The following ZBTB8OS variants were observed in gnomAD, a reference collection of about 807,000 sequenced individuals.
The protein encoded by ZBTB8OS is tRNA-splicing ligase-activating factor archease.
Under a neutral mutation model 29.3 loss-of-function variants are expected in ZBTB8OS, and 16 were observed. The observed-to-expected ratio is 0.55, with a 90% CI of 0.37 to 0.83. The LOEUF (loss-of-function observed/expected upper bound fraction) is 0.83. Among genes scored for constraint, ZBTB8OS ranks in the 40% least tolerant of loss-of-function variants. The pLI is 0.00. For synonymous variants in ZBTB8OS, 70 were observed against 64.6 expected, an observed-to-expected ratio of 1.08 and a Z score of -0.40; for missense variants, 160 against 196.9, an observed-to-expected ratio of 0.81 and a Z score of 1.12.
intron 1 of ZBTB8OS, among the ~76,000 whole-genome samples, chr1:32,649,663 C>T (rs1647151418): frequency 7.1e-6 from 1 of 141,010 alleles, no homozygotes; most frequent in Admixed American, 6.8e-5. Context: ...CACACACACA[C>T]ACACATTTTT....
chr1:32,628,331 T>A (rs1645275206), intron 5 of ZBTB8OS, among the ~76,000 whole-genome samples: 1 of 141,576 alleles, frequency 7.1e-6, no homozygotes, highest in South Asian at 2.2e-4. Context: ...CACTCCACCC[T>A]AGGCAACAGA....
Position 32,621,734 on chromosome 1 carries a change from A to G in ZBTB8OS, c.*128T>C, listed in dbSNP as rs1644767288. ...CCTTTCTGAAAGTCACACTTTAACT[A>G]AAATATTTCTGTTCTACAAATTTCC... On this transcript the variant is annotated 3_prime_UTR_variant, in exon 7 of 7. Coordinates refer to ENST00000468695, the MANE Select transcript of ZBTB8OS (RefSeq NM_178547.5). 1.4e-6 allele frequency: 1 copy of G among 706,758 alleles called. No homozygotes were observed. The highest frequency in any genetic ancestry group is 2.4e-6 in the Non-Finnish European group (1 of 424,766). The allele number at this position is 706,758 out of a possible 1,614,324, so 43.8% of individuals were successfully genotyped here.
chr1:32,628,681 C>T (rs942180449), intron 5 of ZBTB8OS, among the ~76,000 whole-genome samples: 12 of 139,960 alleles, frequency 8.6e-5, no homozygotes, highest in Non-Finnish European at 1.1e-4. Context: ...ACAGTGGCTC[C>T]CACCTGTAAT....
chr1:32,621,167 A>G lies in ZBTB8OS; in HGVS notation c.*695T>C, dbSNP rs528387755. ...TGTAATCGCAGTACCTTGGGAGGCC[A>G]AGGTGGGCGGATCACAAGGTCAGGA... On this transcript the variant is annotated 3_prime_UTR_variant, in exon 7 of 7. Coordinates refer to ENST00000468695, the MANE Select transcript of ZBTB8OS (RefSeq NM_178547.5). 12 of 152,272 alleles carry G rather than the reference A, an allele frequency of 7.9e-5. No individual in the cohort carries two copies. Among genetic ancestry groups the G allele is most frequent in the Admixed American group, 2.6e-4 (4 of 15,292 alleles). 9.4% of individuals were successfully genotyped at this position (152,272 alleles called of 1,614,324 possible).
At chr1:32,648,364 A>G (rs767031870) in intron 1 of ZBTB8OS, among the ~76,000 whole-genome samples, 43 of 152,224 alleles carry the variant, frequency 2.8e-4, no homozygotes, top group Non-Finnish European at 5.9e-4. Flanking sequence ...AACAAAAAAA[A>G]CTTGGAGAAC....
intron 6 of ZBTB8OS, 95 bp downstream of exon 6, chr1:32,627,413 C>T (rs1235530991): frequency 5.4e-6 from 6 of 1,102,552 alleles, no homozygotes; most frequent in African/African-American, 3.1e-5. Flanking sequence ...TATCACTTTA[C>T]ACCAGTTAGA....
Position 32,621,378 on chromosome 1 carries a change from T to G in ZBTB8OS, c.*484A>C, listed in dbSNP as rs530453477. Reference sequence around the variant, plus strand: ...CACACCACTGCGCTTCAGCCTGGGCTACAGAGCGAGACTCCGTCTCAAAAA... The same window carrying G: ...CACACCACTGCGCTTCAGCCTGGGCGACAGAGCGAGACTCCGTCTCAAAAA... On this transcript the variant is annotated 3_prime_UTR_variant, in exon 7 of 7. Coordinates refer to ENST00000468695, the MANE Select transcript of ZBTB8OS (RefSeq NM_178547.5). 2 of 132,650 alleles carry G rather than the reference T, an allele frequency of 1.5e-5. No homozygotes were observed. Among genetic ancestry groups the G allele is most frequent in the African/African-American group, 2.9e-5 (1 of 34,144 alleles). The allele number at this position is 132,650 out of a possible 1,614,324, so 8.2% of individuals were successfully genotyped here. A position where few individuals can be genotyped will look rare whatever the true frequency, so the allele number is the denominator to read the frequency against.
At chr1:32,643,250 TTAGTA>T (rs1646571873) in intron 1 of ZBTB8OS, among the ~76,000 whole-genome samples, 1 of 151,226 alleles carries the variant, frequency 6.6e-6, no homozygotes, top group South Asian at 2.1e-4. Context: ...TTTTGTATTT[TTAGTA>T]GAGACGGGGG....
intron 6 of ZBTB8OS, among the ~76,000 whole-genome samples, chr1:32,623,683 T>C (rs1644900459): frequency 6.6e-6 from 1 of 152,182 alleles, no homozygotes; most frequent in Non-Finnish European, 1.5e-5. Flanking sequence ...TGTCTCCTAC[T>C]ATTACACCTT....
intron 5 of ZBTB8OS, among the ~76,000 whole-genome samples, chr1:32,629,858 T>C (rs1035141231): frequency 6.6e-6 from 1 of 151,074 alleles, no homozygotes; most frequent in Non-Finnish European, 1.5e-5. Context: ...GTTCAAGCGA[T>C]TCTCCTGCCT....
At chr1:32,636,395 T>C (rs995081877) in intron 1 of ZBTB8OS, among the ~76,000 whole-genome samples, 2 of 152,016 alleles carry the variant, frequency 1.3e-5, no homozygotes, top group East Asian at 1.9e-4. Context: ...GTTACACTTA[T>C]AAGAAAAACT....
chr1:32,643,417 T>A (rs1161480446), intron 1 of ZBTB8OS, among the ~76,000 whole-genome samples: 1 of 151,604 alleles, frequency 6.6e-6, no homozygotes. Context: ...TTTAAAGAGA[T>A]GGGTTCTCAC....
At chr1:32,623,002 A>G (rs1644856374) in intron 6 of ZBTB8OS, among the ~76,000 whole-genome samples, 1 of 152,216 alleles carries the variant, frequency 6.6e-6, no homozygotes, top group Non-Finnish European at 1.5e-5. Context: ...CACGTCTCTG[A>G]TACATGACAT....
intron 1 of ZBTB8OS, among the ~76,000 whole-genome samples, chr1:32,644,294 T>C (rs559182627): frequency 1.3e-4 from 20 of 152,076 alleles, no homozygotes; most frequent in Non-Finnish European, 2.6e-4. Flanking sequence ...AGGAGTCAGC[T>C]TGCACAAGTT....
At position 32,621,861 on chromosome 1, in the gene ZBTB8OS, C is replaced by A; in HGVS notation, c.*1G>T. 1 of 1,573,932 alleles carries A rather than the reference C, an allele frequency of 6.4e-7. No homozygotes were observed. The highest frequency in any genetic ancestry group is 2.0e-5 in the Admixed American group (1 of 50,908). On this transcript the variant is annotated 3_prime_UTR_variant, in exon 7 of 7. Coordinates refer to ENST00000468695, the MANE Select transcript of ZBTB8OS (RefSeq NM_178547.5). The stretch of plus-strand genomic sequence containing the variant: ...GTAGGAGTCTTTTATTTTTTGGTGT[C>A]TTAAATGTCAATGATCACAAAAACT...
intron 1 of ZBTB8OS, among the ~76,000 whole-genome samples, chr1:32,642,665 T>A (rs61798933): frequency 0.97 from 140,946 of 145,330 alleles, 68,508 homozygotes; most frequent in East Asian, 1. Flanking sequence ...AACATTTGTC[T>A]TCTATTGTCT....
At chr1:32,640,448 C>A (rs1646308049) in intron 1 of ZBTB8OS, among the ~76,000 whole-genome samples, 1 of 152,042 alleles carries the variant, frequency 6.6e-6, no homozygotes, top group Non-Finnish European at 1.5e-5. Flanking sequence ...GATTCTGTAA[C>A]CATCACAATG....
At chr1:32,638,563 T>C (rs992722719) in intron 1 of ZBTB8OS, among the ~76,000 whole-genome samples, 2 of 152,122 alleles carry the variant, frequency 1.3e-5, no homozygotes, top group African/African-American at 2.4e-5. Flanking sequence ...TATCTGTCAA[T>C]GACCATACTG....
rs771157539 is a variant in ZBTB8OS at position 32,634,795 on chromosome 1, G to A, written c.98-3C>T. ...GACATCTGCTGTATGATCCAAATCT[G>A]AGGGACAGAGGGAAAAACACTTATA... On this transcript the variant is annotated splice_polypyrimidine_tract_variant and splice_region_variant and intron_variant, in intron 1 of 6. Coordinates refer to ENST00000468695, the MANE Select transcript of ZBTB8OS (RefSeq NM_178547.5). 2.5e-6 allele frequency: 4 copies of A among 1,605,086 alleles called. No homozygotes were observed. The highest frequency in any genetic ancestry group is 1.1e-5 in the South Asian group (1 of 90,888).
Sources: allele counts gnomAD v4.1 joint callset (sites outside exome capture counted in the v4.1 genomes callset), GRCh38; gene constraint gnomAD v4.1.1; transcripts MANE v1.5; gene names NCBI Gene and HGNC (gene_info 2026-07-23, HGNC 2026-07-21).